CNPY3: variants seen among roughly 807,000 people sequenced by gnomAD.
The protein encoded by CNPY3 is protein canopy homolog 3.
In CNPY3, 20 loss-of-function variants were observed where a neutral mutation model predicts 32.0. The observed-to-expected ratio is 0.63, with a 90% CI of 0.44 to 0.91. The LOEUF (loss-of-function observed/expected upper bound fraction) is 0.91. CNPY3 is among the 40% of genes least tolerant of loss of function. The pLI is 0.00. For synonymous variants in CNPY3, 138 were observed against 142.9 expected (o/e 0.97, Z 0.24); for missense variants, 299 against 340.8 (o/e 0.88, Z 0.97).
In CNPY3 at chr6:42,937,802, A is replaced by G. The variant is rs1238716233; in HGVS notation, c.458A>G (p.Asn153Ser). The G allele has an allele frequency of 6.2e-7, 1 of 1,614,088 alleles. No individual in the cohort carries two copies. Among genetic ancestry groups the G allele is most frequent in the Non-Finnish European group, 8.5e-7 (1 of 1,179,994 alleles). ...VVMDIPYELW[N>S]ETSAEVADLK... ...ATGGACATCCCCTATGAGCTGTGGA[A>G]CGAGACTTCTGCAGAGGTGGCTGAC... The change falls in exon 4 of 6, where the codon AAC becomes AGC. Residue 153 changes from asparagine to serine, a missense_variant. Asn to Ser is a conservative substitution (Grantham distance 46). Around this residue, in one of 2 missense-constraint regions of CNPY3, gnomAD observed 211 missense variants for 278.3 expected, o/e 0.76. Coordinates refer to ENST00000372836, the MANE Select transcript of CNPY3 (RefSeq NM_006586.5).
At chr6:42,929,260 G>A (rs1767564953), upstream of CNPY3, 2 of 312,640 alleles carry the variant, frequency 6.4e-6, no homozygotes, top group South Asian at 6.3e-5. Context: ...CCGTTAGGGG[G>A]TGGGAAAGGA....
At chr6:42,932,327 A>C (rs1440648781) in intron 1 of CNPY3, among the ~76,000 whole-genome samples, 1 of 152,166 alleles carries the variant, frequency 6.6e-6, no homozygotes, top group Non-Finnish European at 1.5e-5. Flanking sequence ...TTAAATGCTG[A>C]CTGTGTCTAG....
chr6:42,929,701 G>C lies in CNPY3; in HGVS notation c.131G>C (p.Arg44Pro). The change falls in exon 1 of 6, where the codon CGC (arginine) becomes CCC (proline). Residue 44 changes from arginine to proline, a missense_variant. By Grantham distance (103) the Arg-to-Pro change is moderately radical. Coordinates refer to ENST00000372836, the MANE Select transcript of CNPY3 (RefSeq NM_006586.5). Reference protein sequence around the residue: ...QAGAEENDWVRLPSKCEVCKY... With the variant: ...QAGAEENDWVPLPSKCEVCKY... ...GGAGCTGAGGAGAACGACTGGGTTCGCCTGCCCAGCAAATGCGAAGGTGAG... is the reference window on the plus strand; with the variant it reads ...GGAGCTGAGGAGAACGACTGGGTTCCCCTGCCCAGCAAATGCGAAGGTGAG... 1 of 1,548,272 alleles carries C rather than the reference G, an allele frequency of 6.5e-7. No individual in the cohort carries two copies. Among genetic ancestry groups the C allele is most frequent in the African/African-American group, 1.4e-5 (1 of 73,140 alleles).
chr6:42,935,305 T>A (rs907185661), intron 2 of CNPY3: 10 of 448,756 alleles, frequency 2.2e-5, no homozygotes, highest in Non-Finnish European at 2.6e-5. Flanking sequence ...TATCAAAATT[T>A]AATAATTTTG....
rs543754991 is a variant in CNPY3, at chr6:42,929,872, C to G, written c.151+151C>G. 3.3e-6 allele frequency: 3 copies of G among 904,276 alleles called. No individual in the cohort carries two copies. In the South Asian group the frequency reaches 5.4e-5, roughly 16 times the overall value. 56.0% of individuals were successfully genotyped at this position (904,276 alleles called of 1,614,324 possible). ...GCTTGCGCCGGGACGCTGCGGCGGA[C>G]GAGAGATCTGGTCCCGGTACCCCTG... On this transcript the variant is annotated intron_variant, in intron 1 of 5. Transcript: ENST00000372836.
rs939243216 is a variant in CNPY3, at chr6:42,931,190, G to A, written c.151+1469G>A. Among the ~76,000 whole-genome samples, 7 of 147,308 alleles carry A rather than the reference G, an allele frequency of 4.8e-5. No homozygotes were observed. In the East Asian group the frequency reaches 8.4e-4, roughly 18 times the overall value. On this transcript the variant is annotated intron_variant, in intron 1 of 5. Transcript: ENST00000372836. ...TAGGCGTGAGCCTCTGCTCCTGGCCGCCCTTTCACTTTTCGCTCTTCCTCT... is the reference window on the plus strand; with the variant it reads ...TAGGCGTGAGCCTCTGCTCCTGGCCACCCTTTCACTTTTCGCTCTTCCTCT...
At chr6:42,929,781 CT>C in intron 1 of CNPY3, 60 bp downstream of exon 1, 1 of 1,498,872 alleles carries the variant, frequency 6.7e-7, no homozygotes, top group East Asian at 2.5e-5. Flanking sequence ...AGCGGTGGTG[CT>C]TGCGGAGCAG....
Position 42,937,757 on chromosome 6 carries a change from A to G in CNPY3, c.413A>G (p.His138Arg), listed in dbSNP as rs763017290. 3 of 1,614,044 alleles carry G rather than the reference A, an allele frequency of 1.9e-6. No individual in the cohort carries two copies. The East Asian group carries it at 6.7e-5, about 36-fold the overall frequency. The change falls in exon 4 of 6, where the codon CAC (histidine) becomes CGC (arginine). Residue 138 changes from histidine to arginine, a missense_variant. By Grantham distance (29) the His-to-Arg change is conservative. This residue lies in a region of CNPY3 where 211 missense variants were observed against 278.3 expected (regional missense o/e 0.76). Transcript: ENST00000372836. ...TTTGAGACATTACACAACCTGGTAC[A>G]CAAAGGGGTCAAGGTGGTGATGGAC... ...ETFETLHNLV[H>R]KGVKVVMDIP...
At position 42,935,438 on chromosome 6, in the gene CNPY3, C is replaced by T. The variant is rs1768147799; in HGVS notation, c.276-136C>T. ...ATTTCAGATCCCCCAGACCAGATGA[C>T]CTATCTTCCTTCCAGCTCTGAGTCA... On this transcript the variant is annotated intron_variant, in intron 2 of 5. Coordinates refer to ENST00000372836, the MANE Select transcript of CNPY3 (RefSeq NM_006586.5). 4 of 1,356,692 alleles carry T rather than the reference C, an allele frequency of 2.9e-6. No individual in the cohort carries two copies. The South Asian group carries it at 8.1e-5, about 28-fold the overall frequency. The allele number at this position is 1,356,692 out of a possible 1,614,324, so 84.0% of individuals were successfully genotyped here.
chr6:42,937,669 G>C, intron 3 of CNPY3, 48 bp from the exon 4 acceptor site: 1 of 1,608,658 alleles, frequency 6.2e-7, no homozygotes, highest in Non-Finnish European at 8.5e-7. Flanking sequence ...ACGAGGGTGG[G>C]AGGGAGAGAA....
In CNPY3 at chr6:42,938,039, G is replaced by A. The variant is rs200445480; in HGVS notation, c.496-51G>A. On this transcript the variant is annotated intron_variant, in intron 4 of 5. Coordinates refer to ENST00000372836, the MANE Select transcript of CNPY3 (RefSeq NM_006586.5). The stretch of plus-strand genomic sequence containing the variant: ...GCGAGGCTTAGCTGAGCTCCTCTAG[G>A]AGCGAGTCAGGTGCTGGGGCTTTGC... 334 of 1,548,306 alleles carry A rather than the reference G, an allele frequency of 2.2e-4. 1 individual carries two copies. Among genetic ancestry groups the A allele is most frequent in the Middle Eastern group, 1.6e-3 (9 of 5,768 alleles).
At chr6:42,930,564 A>C (rs1662348150) in intron 1 of CNPY3, among the ~76,000 whole-genome samples, 1 of 152,148 alleles carries the variant, frequency 6.6e-6, no homozygotes. Context: ...GGGAGCTACC[A>C]GCGAGCCAGG....
At chr6:42,928,326 T>TGG (rs34224541), upstream of CNPY3, among the ~76,000 whole-genome samples, 807 of 151,130 alleles carry the variant, frequency 5.3e-3, 6 homozygotes, top group East Asian at 0.02. Context: ...ATTTTTGAGA[T>TGG]GGGGGGGGTG....
intron 1 of CNPY3, among the ~76,000 whole-genome samples, chr6:42,930,658 C>CCCGTAA (rs1373869851): frequency 6.6e-6 from 1 of 152,146 alleles, no homozygotes; most frequent in African/African-American, 2.4e-5. Context: ...CCTTCCTAGC[C>CCCGTAA]CCGTAACCCC....
intron 1 of CNPY3, among the ~76,000 whole-genome samples, chr6:42,930,895 C>CT (rs376550580): frequency 3.7e-3 from 545 of 146,242 alleles, no homozygotes; most frequent in African/African-American, 7.2e-3. Context: ...TCTTTTTTTC[C>CT]TTTTTTTTTT....
intron 1 of CNPY3, among the ~76,000 whole-genome samples, chr6:42,933,221 A>G (rs1344016009): frequency 7.8e-6 from 1 of 127,834 alleles, no homozygotes; most frequent in Non-Finnish European, 1.6e-5. Context: ...AGAAGGCATT[A>G]AGTATTTTCC....
chr6:42,933,491 T>C (rs1178963424), intron 1 of CNPY3, among the ~76,000 whole-genome samples: 1 of 152,090 alleles, frequency 6.6e-6, no homozygotes, highest in Non-Finnish European at 1.5e-5. Context: ...CAAATTAACT[T>C]GGTAGAAATA....
Position 42,937,722 on chromosome 6 carries a change from GT to G in CNPY3, c.379del (p.Ser127GlnfsTer18). The G allele has an allele frequency of 6.2e-7, 1 of 1,614,038 alleles. No homozygotes were observed. The highest frequency in any genetic ancestry group is 8.5e-7 in the Non-Finnish European group (1 of 1,179,946). On this transcript the variant is annotated frameshift_variant, in exon 4 of 6. Coordinates refer to ENST00000372836, the MANE Select transcript of CNPY3 (RefSeq NM_006586.5). LOFTEE classifies it high-confidence loss of function. ...TATCTGGTCGCTTCTTCCAGGGCAT[GT>G]CAGAGACCTTTGAGACATTACACAA... is the stretch of plus-strand genomic sequence containing the variant. ...TGSNRFAKGM[S>X]ETFETLHNLV...
Position 42,938,797 on chromosome 6 carries a change from C to T in CNPY3, c.*6C>T. 3 of 1,587,186 alleles carry T rather than the reference C, an allele frequency of 1.9e-6. No individual in the cohort carries two copies. The highest frequency in any genetic ancestry group is 2.6e-6 in the Non-Finnish European group (3 of 1,164,750). On this transcript the variant is annotated 3_prime_UTR_variant, in exon 6 of 6. Coordinates refer to ENST00000372836, the MANE Select transcript of CNPY3 (RefSeq NM_006586.5). ...GCCCCCCTGATGAGCTCTGAGCCCA[C>T]CCAGCATCCTCTGTCCTGAGACCCC... is the stretch of plus-strand genomic sequence containing the variant.
Sources: allele counts gnomAD v4.1 joint callset (sites outside exome capture counted in the v4.1 genomes callset), GRCh38; gene constraint gnomAD v4.1.1; regional missense constraint gnomAD v4.1.1; transcripts MANE v1.5; gene names NCBI Gene and HGNC (gene_info 2026-07-23, HGNC 2026-07-21).